Variants in HPSE2 observed in about 807,000 individuals in gnomAD.
HPSE2 encodes the protein inactive heparanase-2.
A neutral mutation model predicts 60.5 loss-of-function variants in HPSE2; 38 were observed. The ratio of observed to expected loss-of-function variants is 0.63; its 90% CI spans 0.48 to 0.82. The LOEUF is 0.82. HPSE2 is among the 40% of genes least tolerant of loss of function. The pLI, the probability that HPSE2 is intolerant of heterozygous loss-of-function variation, is 0.00. For synonymous variants in HPSE2, 295 were observed against 293.2 expected, an observed-to-expected ratio of 1.01 and a Z score of -0.06; for missense variants, 713 against 740.4, an observed-to-expected ratio of 0.96 and a Z score of 0.43.
chr10:98,534,685 A>T (rs1943229317), intron 9 of HPSE2, among the ~76,000 whole-genome samples: 1 of 152,228 alleles, frequency 6.6e-6, no homozygotes, highest in African/African-American at 2.4e-5. Flanking sequence ...GATTACAGGC[A>T]TGAACCACCG....
chr10:99,280,966 T>C, the HPSE2 span, among the ~76,000 whole-genome samples: 1 of 152,156 alleles, frequency 6.6e-6, no homozygotes, highest in Non-Finnish European at 1.5e-5. Context: ...ACTAAATGTG[T>C]GATTTGGGCA....
intron 9 of HPSE2, among the ~76,000 whole-genome samples, chr10:98,498,334 C>G (rs1175665607): frequency 6.6e-6 from 1 of 152,128 alleles, no homozygotes; most frequent in East Asian, 1.9e-4. Flanking sequence ...CTGCAGACAA[C>G]CCCCAGTACC....
At chr10:98,734,888 T>TACACACACACAC (rs140139802) in intron 4 of HPSE2, among the ~76,000 whole-genome samples, 11 of 148,230 alleles carry the variant, frequency 7.4e-5, no homozygotes, top group South Asian at 6.5e-4. Flanking sequence ...ATTTGTCCCT[T>TACACACACACAC]ACACACACAC....
intron 3 of HPSE2, among the ~76,000 whole-genome samples, chr10:99,043,344 C>G (rs1021026229): frequency 6.6e-6 from 1 of 151,960 alleles, no homozygotes; most frequent in Non-Finnish European, 1.5e-5. Context: ...ATTAGCTGGG[C>G]GTGGTGGTGG....
chr10:99,197,279 G>A (rs1848433749), intron 2 of HPSE2, among the ~76,000 whole-genome samples: 1 of 152,106 alleles, frequency 6.6e-6, no homozygotes, highest in Non-Finnish European at 1.5e-5. Flanking sequence ...CAAAAAAATA[G>A]AAAGAATGAA....
intron 6 of HPSE2, among the ~76,000 whole-genome samples, chr10:98,674,062 T>C (rs1186539010): frequency 3.3e-5 from 5 of 152,202 alleles, no homozygotes; most frequent in African/African-American, 1.2e-4. Flanking sequence ...ATGCTGTTGG[T>C]CTGGACCACA....
intron 3 of HPSE2, among the ~76,000 whole-genome samples, chr10:99,076,480 T>C (rs1025660355): frequency 5.3e-5 from 8 of 152,200 alleles, no homozygotes; most frequent in African/African-American, 1.2e-4. Flanking sequence ...TTCTGCCTTC[T>C]GTGCTCAAGC....
chr10:98,822,654 A>G lies in HPSE2; in HGVS notation c.611-78598T>C, dbSNP rs11815642. ...GTCAGCTAAACAGAAAACAAAACCC[A>G]TAATATGTTACTGAAAAAGAGGCCA... On this transcript the variant is annotated intron_variant, in intron 3 of 11. Coordinates refer to ENST00000370552, the MANE Select transcript of HPSE2 (RefSeq NM_021828.5). 2.5e-3 allele frequency among the ~76,000 whole-genome samples: 378 copies of G among 152,322 alleles called. 1 individual carries two copies. The highest frequency in any genetic ancestry group is 7.4e-3 in the African/African-American group (308 of 41,572).
At chr10:99,091,337 C>G (rs1037930111) in intron 3 of HPSE2, among the ~76,000 whole-genome samples, 1 of 152,032 alleles carries the variant, frequency 6.6e-6, no homozygotes, top group Non-Finnish European at 1.5e-5. Flanking sequence ...TAAAACTAAA[C>G]CTTGTGAAAA....
rs28785933 is a variant in HPSE2 at position 98,928,479 on chromosome 10, C to T, written c.611-184423G>A. On this transcript the variant is annotated intron_variant, in intron 3 of 11. Coordinates refer to ENST00000370552, the MANE Select transcript of HPSE2 (RefSeq NM_021828.5). The stretch of plus-strand genomic sequence containing the variant: ...AGAAATACCATTTGACCCAGCCATC[C>T]CATTACTGGGTATATACCCAAAGGA... Among the ~76,000 whole-genome samples, 9 of 106,552 alleles carry T rather than the reference C, an allele frequency of 8.4e-5. 1 individual carries two copies. The highest frequency in any genetic ancestry group is 3.6e-4 in the African/African-American group (8 of 22,054). The allele number at this position is 106,552 out of a possible 152,430, so 69.9% of individuals were successfully genotyped here.
rs758852189 is a variant in HPSE2 at position 98,721,736 on chromosome 10, T to G, written c.877A>C (p.Ile293Leu). ...AAGCTGGCTCTGGAATAAATCCGGA[T>G]GGGCTGCAACAGGCTCTTCAGCTGG... Reference protein sequence around the residue: ...YIQLKSLLQPIRIYSRASLYG... With the variant: ...YIQLKSLLQPLRIYSRASLYG... Residue 293 changes from isoleucine to leucine, a missense_variant, in exon 5 of 12, where the codon ATC becomes CTC. Ile to Leu is a conservative substitution (Grantham distance 5). Transcript: ENST00000370552. 6.2e-7 allele frequency: 1 copy of G among 1,613,708 alleles called. No individual in the cohort carries two copies. Among genetic ancestry groups the G allele is most frequent in the South Asian group, 1.1e-5 (1 of 91,056 alleles).
At chr10:99,129,081 C>T (rs559098115) in intron 3 of HPSE2, among the ~76,000 whole-genome samples, 1 of 152,272 alleles carries the variant, frequency 6.6e-6, no homozygotes, top group African/African-American at 2.4e-5. Flanking sequence ...CTAAAAGGAT[C>T]AGTCCAACAG....
At chr10:98,908,683 CAAAAA>C (rs35913499) in intron 3 of HPSE2, among the ~76,000 whole-genome samples, 2 of 66,126 alleles carry the variant, frequency 3.0e-5, no homozygotes, top group Middle Eastern at 0.014. Flanking sequence ...AGCTCCATCT[CAAAAA>C]AAAAAAAAAA....
intron 3 of HPSE2, among the ~76,000 whole-genome samples, chr10:98,846,849 G>A (rs991987320): frequency 3.3e-5 from 5 of 152,124 alleles, no homozygotes; most frequent in Non-Finnish European, 5.9e-5. Flanking sequence ...TGGGACTACA[G>A]GTACACATCA....
chr10:98,691,180 T>C (rs186096295), intron 6 of HPSE2, among the ~76,000 whole-genome samples: 24 of 152,334 alleles, frequency 1.6e-4, no homozygotes, highest in African/African-American at 5.1e-4. Context: ...GATTCTTCCA[T>C]GACTTTTCCA....
rs538331930 is a variant in HPSE2 at position 99,029,591 on chromosome 10, C to T, written c.610+114647G>A. ...CAGGGGGCCCTTCCCTGCCTTGCAG[C>T]CAAGGCAGAGAGAGAGAGGAGACAA... On this transcript the variant is annotated intron_variant, in intron 3 of 11. Coordinates refer to ENST00000370552, the MANE Select transcript of HPSE2 (RefSeq NM_021828.5). Among the ~76,000 whole-genome samples the T allele has an allele frequency of 6.2e-3, 938 of 152,292 alleles. 8 individuals carry two copies. Among genetic ancestry groups the T allele is most frequent in the Middle Eastern group, 0.017 (5 of 294 alleles).
intron 4 of HPSE2, among the ~76,000 whole-genome samples, chr10:98,725,205 A>G (rs1477336567): frequency 1.3e-5 from 2 of 152,300 alleles, no homozygotes; most frequent in East Asian, 3.9e-4. Context: ...AAAAGAACAA[A>G]GCTGGAGGCA....
At chr10:98,511,824 G>T (rs746897418) in intron 9 of HPSE2, among the ~76,000 whole-genome samples, 43 of 152,162 alleles carry the variant, frequency 2.8e-4, no homozygotes, top group Non-Finnish European at 5.0e-4. Flanking sequence ...GCACTGACAG[G>T]TCTTGCTGCA....
Position 99,039,562 on chromosome 10 carries a change from T to C in HPSE2, c.610+104676A>G, listed in dbSNP as rs375363233. On this transcript the variant is annotated intron_variant, in intron 3 of 11. Transcript: ENST00000370552. The stretch of plus-strand genomic sequence containing the variant: ...ATATATAACATCATATTATAATATA[T>C]ATTTGCCATTTTATCTTTGAAGCAG... Among the ~76,000 whole-genome samples, 10 of 150,880 alleles carry C rather than the reference T, an allele frequency of 6.6e-5. No individual in the cohort carries two copies. In the South Asian group the frequency reaches 2.1e-3, roughly 31 times the overall value.
Sources: allele counts gnomAD v4.1 joint callset (sites outside exome capture counted in the v4.1 genomes callset), GRCh38; gene constraint gnomAD v4.1.1; transcripts MANE v1.5; gene names NCBI Gene and HGNC (gene_info 2026-07-23, HGNC 2026-07-21).